Variants in SAMD5 observed in about 807,000 individuals in gnomAD.
SAMD5 encodes the protein sterile alpha motif domain-containing protein 5.
SAMD5 carries 13 observed loss-of-function variants against 11.3 expected under a neutral mutation model. The observed-to-expected ratio is 1.15, with a 90% confidence interval of 0.75 to 1.83. SAMD5 has a LOEUF of 1.83. Ranked by LOEUF, SAMD5 falls within the 40% of genes most tolerant of loss-of-function variation. SAMD5 has a pLI of 0.00. For synonymous variants in SAMD5, 129 were observed against 111.3 expected (o/e 1.16, Z -1.00); for missense variants, 255 against 239.1 (o/e 1.07, Z -0.44).
At chr6:147,887,868 G>C in the SAMD5 span, among the ~76,000 whole-genome samples, 3 of 152,194 alleles carry the variant, frequency 2.0e-5, no homozygotes, top group Non-Finnish European at 4.4e-5. Flanking sequence ...ATTATACTAT[G>C]TGGGTAGTGA....
chr6:147,759,003 A>C, the SAMD5 span, among the ~76,000 whole-genome samples: 6 of 152,152 alleles, frequency 3.9e-5, no homozygotes, highest in African/African-American at 1.2e-4. Context: ...ACAAACAACA[A>C]AACCTCCTTA....
chr6:147,851,340 A>C, the SAMD5 span, among the ~76,000 whole-genome samples: 1 of 152,214 alleles, frequency 6.6e-6, no homozygotes, highest in Non-Finnish European at 1.5e-5. Context: ...AGAAGAAAAC[A>C]TAGTCTATAT....
chr6:147,781,276 C>T, the SAMD5 span, among the ~76,000 whole-genome samples: 1 of 151,706 alleles, frequency 6.6e-6, no homozygotes, highest in East Asian at 1.9e-4. Flanking sequence ...CTACCTCAGC[C>T]TTCTGAGTAG....
At chr6:147,640,692 C>T (rs1790300058) in intron 1 of SAMD5, among the ~76,000 whole-genome samples, 1 of 151,950 alleles carries the variant, frequency 6.6e-6, no homozygotes, top group South Asian at 2.1e-4. Context: ...AAAACAGGTT[C>T]AATGGGAAGC....
chr6:147,811,873 G>A, the SAMD5 span, among the ~76,000 whole-genome samples: 1 of 152,202 alleles, frequency 6.6e-6, no homozygotes, highest in African/African-American at 2.4e-5. Flanking sequence ...TTTGGGGCAT[G>A]CAACAAACAT....
At chr6:147,621,991 C>T (rs949764216) in intron 1 of SAMD5, among the ~76,000 whole-genome samples, 62 of 152,196 alleles carry the variant, frequency 4.1e-4, no homozygotes, top group African/African-American at 1.4e-3. Context: ...AGGAGGAACA[C>T]GTGATTGTGC....
chr6:147,739,746 TGTTA>T (rs1791852560), downstream of SAMD5, among the ~76,000 whole-genome samples: 1 of 152,238 alleles, frequency 6.6e-6, no homozygotes, highest in Admixed American at 6.5e-5. Flanking sequence ...TATTTATGTT[TGTTA>T]TTCACATTAA....
At chr6:147,657,108 C>T (rs1398359282) in intron 1 of SAMD5, among the ~76,000 whole-genome samples, 1 of 151,966 alleles carries the variant, frequency 6.6e-6, no homozygotes, top group African/African-American at 2.4e-5. Flanking sequence ...AAAGTGATTT[C>T]CAGGATATAT....
the SAMD5 span, among the ~76,000 whole-genome samples, chr6:147,902,955 T>G: frequency 6.6e-6 from 1 of 152,228 alleles, no homozygotes; most frequent in Non-Finnish European, 1.5e-5. Context: ...TAAATATTTT[T>G]GGCTACATTG....
chr6:147,581,097 CAGTGTACTTTAAACTGTGATG>C (rs1789291008), intron 1 of SAMD5, among the ~76,000 whole-genome samples: 1 of 152,164 alleles, frequency 6.6e-6, no homozygotes, highest in Non-Finnish European at 1.5e-5. Flanking sequence ...GCTTAGATAA[CAGTGTACTTTAAACTGTGATG>C]TGATCCCTCC....
intron 1 of SAMD5, among the ~76,000 whole-genome samples, chr6:147,644,536 G>A (rs1009142827): frequency 6.6e-6 from 1 of 152,140 alleles, no homozygotes; most frequent in African/African-American, 2.4e-5. Flanking sequence ...TCTCAGCTGT[G>A]AGACTATTAA....
At chr6:147,683,972 A>T (rs549548098) in intron 1 of SAMD5, among the ~76,000 whole-genome samples, 41 of 152,336 alleles carry the variant, frequency 2.7e-4, no homozygotes, top group African/African-American at 9.1e-4. Flanking sequence ...TTATTAAAGC[A>T]TAAGAGTCAT....
intron 1 of SAMD5, among the ~76,000 whole-genome samples, chr6:147,525,271 T>A (rs1370891639): frequency 6.8e-6 from 1 of 146,716 alleles, no homozygotes; most frequent in Non-Finnish European, 1.5e-5. Context: ...TGGGGACCTG[T>A]CTATGTGGTT....
chr6:147,706,476 C>T (rs985298925), intron 1 of SAMD5, among the ~76,000 whole-genome samples: 2 of 152,194 alleles, frequency 1.3e-5, no homozygotes, highest in Non-Finnish European at 2.9e-5. Flanking sequence ...GATCTGACCA[C>T]CTTGGCCTGC....
the SAMD5 span, among the ~76,000 whole-genome samples, chr6:147,826,466 C>T: frequency 2.0e-5 from 3 of 152,148 alleles, no homozygotes; most frequent in African/African-American, 7.2e-5. Flanking sequence ...CAGCATCAAT[C>T]CTGGGAGCCT....
intron 1 of SAMD5, among the ~76,000 whole-genome samples, chr6:147,552,636 C>T (rs758236752): frequency 2.6e-5 from 4 of 152,138 alleles, no homozygotes; most frequent in Non-Finnish European, 5.9e-5. Flanking sequence ...TTTTCTCAAT[C>T]AAAGGGTAGC....
the SAMD5 span, among the ~76,000 whole-genome samples, chr6:147,842,482 G>A: frequency 2.5e-5 from 3 of 119,718 alleles, no homozygotes; most frequent in Non-Finnish European, 5.8e-5. Context: ...AGCTGAAATA[G>A]AAATAATTTA....
chr6:147,800,014 A>C, the SAMD5 span, among the ~76,000 whole-genome samples: 2 of 152,084 alleles, frequency 1.3e-5, no homozygotes, highest in Non-Finnish European at 2.9e-5. Flanking sequence ...TTTGGTTTGA[A>C]TGTCCTCCCG....
the SAMD5 span, among the ~76,000 whole-genome samples, chr6:147,946,271 G>A: frequency 1.3e-5 from 2 of 152,154 alleles, no homozygotes; most frequent in African/African-American, 2.4e-5. Context: ...CTTGATGTGT[G>A]GGTAGGCATC....
Sources: gnomAD v4.1 joint callset for allele counts (sites outside exome capture counted in the v4.1 genomes callset) on GRCh38, gnomAD v4.1.1 for gene constraint, MANE v1.5 for transcripts, NCBI Gene and HGNC (gene_info 2026-07-23, HGNC 2026-07-21) for gene names.